The following GOLGA8J variants were observed in gnomAD, a reference collection of about 807,000 sequenced individuals.
GOLGA8J encodes the protein golgin subfamily A member 8J.
Under a neutral mutation model 67.7 loss-of-function variants are expected in GOLGA8J, and 19 were observed. That is an observed-to-expected ratio of 0.28 (90% CI 0.20 to 0.41). GOLGA8J has a LOEUF of 0.41. GOLGA8J is among the 10% of genes least tolerant of loss of function. The pLI, the probability that GOLGA8J is intolerant of heterozygous loss-of-function variation, is 1.00. For missense variants in GOLGA8J, 205 were observed against 584.3 expected, an observed-to-expected ratio of 0.35 and a Z score of 6.69; for synonymous variants, 69 against 215.9, an observed-to-expected ratio of 0.32 and a Z score of 5.97.
chr15:30,088,482 G>A lies in GOLGA8J; in HGVS notation c.592-258G>A. 8.7e-6 allele frequency: 5 copies of A among 577,258 alleles called. No individual in the cohort carries two copies. The East Asian group carries it at 1.4e-4, about 17-fold the overall frequency. The allele number at this position is 577,258 out of a possible 1,614,324, so 35.8% of individuals were successfully genotyped here. On this transcript the variant is annotated intron_variant, in intron 8 of 18. Coordinates refer to ENST00000567927, the MANE Select transcript of GOLGA8J (RefSeq NM_001282472.2). ...GAAGCATTCCACAAAGGTTCAAACAGTGGTAATAATAACAGTAATAACAAT... is the reference window on the plus strand; with the variant it reads ...GAAGCATTCCACAAAGGTTCAAACAATGGTAATAATAACAGTAATAACAAT...
rs1258570119 is a variant in GOLGA8J at position 30,094,456 on chromosome 15, C to A, written c.*957C>A. 7.1e-6 allele frequency among the ~76,000 whole-genome samples: 1 copy of A among 140,988 alleles called. No homozygotes were observed. The highest frequency in any genetic ancestry group is 3.0e-5 in the African/African-American group (1 of 32,890). 92.5% of individuals were successfully genotyped at this position (140,988 alleles called of 152,430 possible). A position where few individuals can be genotyped will look rare whatever the true frequency, so the allele number is the denominator to read the frequency against. On this transcript the variant is annotated 3_prime_UTR_variant, in exon 19 of 19. Transcript: ENST00000567927. ...TGTTTTAATCACATGACTACATGTC[C>A]CAGTACACAAAAGGGCACTGGTTGG... is the stretch of plus-strand genomic sequence containing the variant.
chr15:30,083,921 G>C lies in GOLGA8J; in HGVS notation c.48+821G>C. The C allele has an allele frequency of 5.6e-6, 5 of 890,612 alleles. 1 individual carries two copies. In the South Asian group the frequency reaches 7.5e-5, roughly 13 times the overall value. 55.2% of individuals were successfully genotyped at this position (890,612 alleles called of 1,614,324 possible). A position where few individuals can be genotyped will look rare whatever the true frequency, so the allele number is the denominator to read the frequency against. ...TGACAGTATCTCTGGGTGGCAATGA[G>C]AGAATGCGTTTGGTTTGGTTTTCTC... On this transcript the variant is annotated intron_variant, in intron 1 of 18. Transcript: ENST00000567927.
In GOLGA8J at chr15:30,092,018, G is replaced by T. The variant is rs142043683; in HGVS notation, c.1277-24G>T. 779 of 1,597,560 alleles carry T rather than the reference G, an allele frequency of 4.9e-4. 104 individuals carry two copies. In the East Asian group the frequency reaches 0.018, roughly 36 times the overall value. On this transcript the variant is annotated intron_variant, in intron 14 of 18. Coordinates refer to ENST00000567927, the MANE Select transcript of GOLGA8J (RefSeq NM_001282472.2). Reference sequence around the variant, plus strand: ...TACCTCCCTTGTTGGGTTGTCTGAAGACCCGTCTGACCACCCCCCACAGGA... The same window carrying T: ...TACCTCCCTTGTTGGGTTGTCTGAATACCCGTCTGACCACCCCCCACAGGA...
At chr15:30,090,748 T>C (rs2057392754) in intron 13 of GOLGA8J, among the ~76,000 whole-genome samples, 1 of 120,370 alleles carries the variant, frequency 8.3e-6, no homozygotes, top group Non-Finnish European at 1.6e-5. Context: ...TTCCACCTAC[T>C]CGGGAGGCTG....
At chr15:30,090,412 A>T in intron 13 of GOLGA8J, 132 bp downstream of exon 13, 1 of 1,526,870 alleles carries the variant, frequency 6.5e-7, no homozygotes, top group Non-Finnish European at 8.8e-7. Context: ...CCCCCAGGGC[A>T]GTCCTGTGAC....
intron 15 of GOLGA8J, 48 bp downstream of exon 15, chr15:30,092,181 C>G: frequency 1.1e-6 from 1 of 937,732 alleles, no homozygotes; most frequent in Non-Finnish European, 1.6e-6. Context: ...TCTCTGTGGT[C>G]CCTCCAAGAC....
rs561981130 is a variant in GOLGA8J, at chr15:30,092,097, G to A, written c.1332G>A (p.Pro444=). The part of the protein sequence containing the change: ...SEGEEAPRPM[P]SVPEDPESRE... ...GGGAGGAGGCACCTCGGCCCATGCCGAGTGTCCCAGAGGACCCGGAGAGCA... is the reference window on the plus strand; with the variant it reads ...GGGAGGAGGCACCTCGGCCCATGCCAAGTGTCCCAGAGGACCCGGAGAGCA... Residue 444 remains proline (P), a synonymous_variant, in exon 15 of 19, where the codon CCG becomes CCA. Transcript: ENST00000567927. 1.0e-4 allele frequency: 165 copies of A among 1,580,458 alleles called. No individual in the cohort carries two copies. The highest frequency in any genetic ancestry group is 1.6e-4 in the East Asian group (7 of 43,278).
rs1391145039 is a variant in GOLGA8J, at chr15:30,093,608, CATG to C, written c.*112_*114del. On this transcript the variant is annotated 3_prime_UTR_variant, in exon 19 of 19. Coordinates refer to ENST00000567927, the MANE Select transcript of GOLGA8J (RefSeq NM_001282472.2). Reference sequence around the variant, plus strand: ...ACTTCCTTTGAATGTTAGAGTCACTCATGATTATTTGTTTTTCTAATTTATAGT... The same window carrying C: ...ACTTCCTTTGAATGTTAGAGTCACTCATTATTTGTTTTTCTAATTTATAGT... The C allele has an allele frequency of 1.0e-6, 1 of 1,003,520 alleles. No individual in the cohort carries two copies. The highest frequency in any genetic ancestry group is 2.6e-5 in the East Asian group (1 of 38,664). The allele number at this position is 1,003,520 out of a possible 1,614,324, so 62.2% of individuals were successfully genotyped here.
Position 30,084,824 on chromosome 15 carries a change from G to A in GOLGA8J, c.102G>A (p.Arg34=). 7.5e-7 allele frequency: 1 copy of A among 1,341,600 alleles called. No homozygotes were observed. Among genetic ancestry groups the A allele is most frequent in the Non-Finnish European group, 9.7e-7 (1 of 1,031,654 alleles). 83.1% of individuals were successfully genotyped at this position (1,341,600 alleles called of 1,614,324 possible). A position where few individuals can be genotyped will look rare whatever the true frequency, so the allele number is the denominator to read the frequency against. Residue 34 remains arginine (R), a synonymous_variant, in exon 2 of 19, where the codon AGG becomes AGA. Coordinates refer to ENST00000567927, the MANE Select transcript of GOLGA8J (RefSeq NM_001282472.2). ...CTAGAGTTCCAGCAGGAGCGAACAG[G>A]AACAGGAAAACAAATGGCAGTATCC... The part of the protein sequence containing the change: ...NSPRVPAGAN[R]NRKTNGSIPE...
rs2057466263 is a variant in GOLGA8J, at chr15:30,096,267, C to T, written c.*2768C>T. 6.7e-6 allele frequency among the ~76,000 whole-genome samples: 1 copy of T among 149,824 alleles called. No homozygotes were observed. Among genetic ancestry groups the T allele is most frequent in the Non-Finnish European group, 1.5e-5 (1 of 67,804 alleles). ...GTATTTGATTCAACCTGATAATTTTCCAGAAATGAAAAAAAAAAATCAGCT... is the reference window on the plus strand; with the variant it reads ...GTATTTGATTCAACCTGATAATTTTTCAGAAATGAAAAAAAAAAATCAGCT... On this transcript the variant is annotated 3_prime_UTR_variant, in exon 19 of 19. Transcript: ENST00000567927.
rs552533121 is a variant in GOLGA8J, at chr15:30,088,612, G to A, written c.592-128G>A. 2.8e-3 allele frequency: 2,376 copies of A among 835,342 alleles called. 36 individuals are homozygous for A. Among genetic ancestry groups the A allele is most frequent in the South Asian group, 5.6e-3 (372 of 67,016 alleles). The allele number at this position is 835,342 out of a possible 1,614,324, so 51.7% of individuals were successfully genotyped here. On this transcript the variant is annotated intron_variant, in intron 8 of 18. Transcript: ENST00000567927. Reference sequence around the variant, plus strand: ...TGAGTTCTTTTAAAAACCAGACCACGGGCTTGGAAATGCCTTGATCTTTAC... The same window carrying A: ...TGAGTTCTTTTAAAAACCAGACCACAGGCTTGGAAATGCCTTGATCTTTAC...
chr15:30,084,834 A>G lies in GOLGA8J; in HGVS notation c.112A>G (p.Thr38Ala), dbSNP rs749619940. 9.4e-5 allele frequency: 130 copies of G among 1,376,316 alleles called. 9 individuals are homozygous for G. The highest frequency in any genetic ancestry group is 8.0e-4 in the Middle Eastern group (3 of 3,728). 85.3% of individuals were successfully genotyped at this position (1,376,316 alleles called of 1,614,324 possible). Residue 38 changes from threonine to alanine, a missense_variant, in exon 2 of 19, where the codon ACA becomes GCA. Thr to Ala is a moderately conservative substitution (Grantham distance 58). Transcript: ENST00000567927. Reference protein sequence around the residue: ...VPAGANRNRKTNGSIPEKATS... With the variant: ...VPAGANRNRKANGSIPEKATS... ...AGCAGGAGCGAACAGGAACAGGAAA[A>G]CAAATGGCAGTATCCCTGAGAAAGC... is the stretch of plus-strand genomic sequence containing the variant.
rs2057463571 is a variant in GOLGA8J, at chr15:30,096,011, T to TGAAA, written c.*2512_*2513insGAAA. Among the ~76,000 whole-genome samples, 2 of 132,104 alleles carry TGAAA rather than the reference T, an allele frequency of 1.5e-5. No individual in the cohort carries two copies. The highest frequency in any genetic ancestry group is 3.0e-5 in the Non-Finnish European group (2 of 66,568). 86.7% of individuals were successfully genotyped at this position (132,104 alleles called of 152,430 possible). The stretch of plus-strand genomic sequence containing the variant: ...ATTGTATGACAATAACTCAAGTCTT[T>TGAAA]CTCCAAAGTGCATGCAGTCTTTTGC... On this transcript the variant is annotated 3_prime_UTR_variant, in exon 19 of 19. Coordinates refer to ENST00000567927, the MANE Select transcript of GOLGA8J (RefSeq NM_001282472.2).
intron 14 of GOLGA8J, 120 bp from the exon 15 acceptor site, chr15:30,091,922 G>T: frequency 1.5e-6 from 1 of 681,808 alleles, no homozygotes; most frequent in Non-Finnish European, 2.6e-6. Context: ...AAGAACAACA[G>T]CTCATTCCTC....
rs1168229076 is a variant in GOLGA8J, at chr15:30,085,022, C to T, written c.168+132C>T. 22 of 518,440 alleles carry T rather than the reference C, an allele frequency of 4.2e-5. 4 individuals carry two copies. Among genetic ancestry groups the T allele is most frequent in the Non-Finnish European group, 6.3e-5 (20 of 315,978 alleles). 32.1% of individuals were successfully genotyped at this position (518,440 alleles called of 1,614,324 possible). On this transcript the variant is annotated intron_variant, in intron 2 of 18. Coordinates refer to ENST00000567927, the MANE Select transcript of GOLGA8J (RefSeq NM_001282472.2). Reference sequence around the variant, plus strand: ...CTTTAGCCGGGTGTGGTGGCCCACGCCTGTAATCCTAGCACTTTGGGAGGC... The same window carrying T: ...CTTTAGCCGGGTGTGGTGGCCCACGTCTGTAATCCTAGCACTTTGGGAGGC...
In GOLGA8J at chr15:30,096,624, C is replaced by G. The variant is rs532411923; in HGVS notation, c.*3125C>G. Among the ~76,000 whole-genome samples, 4 of 148,238 alleles carry G rather than the reference C, an allele frequency of 2.7e-5. No homozygotes were observed. The highest frequency in any genetic ancestry group is 1.0e-4 in the African/African-American group (4 of 39,594). ...CGTGGAAATACTGAAAGATTTTTCC[C>G]TAGAGTGGCCTTATTGACTGCTGGT... On this transcript the variant is annotated 3_prime_UTR_variant, in exon 19 of 19. Transcript: ENST00000567927.
chr15:30,096,314 G>T lies in GOLGA8J; in HGVS notation c.*2815G>T, dbSNP rs1301815656. 2.0e-5 allele frequency among the ~76,000 whole-genome samples: 3 copies of T among 149,696 alleles called. No individual in the cohort carries two copies. Among genetic ancestry groups the T allele is most frequent in the Non-Finnish European group, 3.0e-5 (2 of 67,756 alleles). On this transcript the variant is annotated 3_prime_UTR_variant, in exon 19 of 19. Transcript: ENST00000567927. ...AGCTCTAAAACCAAAGCTGATTTTA[G>T]AAAATTTGAAAATGTAAATCAGCCC...
rs974428200 is a variant in GOLGA8J at position 30,094,131 on chromosome 15, T to C, written c.*632T>C. On this transcript the variant is annotated 3_prime_UTR_variant, in exon 19 of 19. Coordinates refer to ENST00000567927, the MANE Select transcript of GOLGA8J (RefSeq NM_001282472.2). ...ACCTTTTGGGGGAGCTTTTTAAATCTCACAGAAGAGGAAAGTGGCCTCCTC... is the reference window on the plus strand; with the variant it reads ...ACCTTTTGGGGGAGCTTTTTAAATCCCACAGAAGAGGAAAGTGGCCTCCTC... Among the ~76,000 whole-genome samples, 22 of 146,466 alleles carry C rather than the reference T, an allele frequency of 1.5e-4. 2 individuals carry two copies. The highest frequency in any genetic ancestry group is 5.9e-4 in the African/African-American group (22 of 37,426).
chr15:30,091,391 A>C, intron 13 of GOLGA8J, 144 bp from the exon 14 acceptor site: 1 of 588,758 alleles, frequency 1.7e-6, no homozygotes. Flanking sequence ...CAGCTGCAGC[A>C]GCAGGAAGCT....
Sources: allele counts gnomAD v4.1 joint callset (sites outside exome capture counted in the v4.1 genomes callset), GRCh38; gene constraint gnomAD v4.1.1; transcripts MANE v1.5; gene names NCBI Gene and HGNC (gene_info 2026-07-23, HGNC 2026-07-21).